Variants in EIF3H observed in about 807,000 individuals in gnomAD.
EIF3H encodes the protein eIF-3-gamma.
In EIF3H, 26 loss-of-function variants were observed where a neutral mutation model predicts 44.2. That is an observed-to-expected ratio of 0.59 (90% CI 0.43 to 0.82). The LOEUF (loss-of-function observed/expected upper bound fraction) is 0.82, where lower values mean the gene tolerates loss of function less well. Among genes scored for constraint, EIF3H ranks in the 40% least tolerant of loss-of-function variants. The probability of loss-of-function intolerance (pLI) is 0.00; values close to 1 mark genes in which losing one functional copy is unlikely to be tolerated. For synonymous variants in EIF3H, 166 were observed against 151.9 expected (o/e 1.09, Z -0.68); for missense variants, 359 against 432.8 (o/e 0.83, Z 1.51).
intron 1 of EIF3H, chr8:116,734,377 C>T (rs751905433): frequency 7.7e-5 from 35 of 455,694 alleles, no homozygotes; most frequent in African/African-American, 2.8e-4. Context: ...GAATACTTGA[C>T]GACTATGGAT....
chr8:116,727,472 C>T (rs1403140015), intron 1 of EIF3H, among the ~76,000 whole-genome samples: 1 of 152,216 alleles, frequency 6.6e-6, no homozygotes, highest in Non-Finnish European at 1.5e-5. Flanking sequence ...CCAAGTTTGA[C>T]TGATATCATA....
intron 2 of EIF3H, among the ~76,000 whole-genome samples, chr8:116,673,986 C>T (rs1223755310): frequency 1.5e-5 from 2 of 130,094 alleles, no homozygotes; most frequent in Non-Finnish European, 1.6e-5. Context: ...AGGAGAATGG[C>T]GTGAACCTGG....
At chr8:116,664,959 T>A (rs1813644654) in intron 2 of EIF3H, among the ~76,000 whole-genome samples, 1 of 152,182 alleles carries the variant, frequency 6.6e-6, no homozygotes, top group Non-Finnish European at 1.5e-5. Flanking sequence ...GACTTCCTGC[T>A]AAGTGTTCCA....
chr8:116,654,073 T>C (rs1164866546), intron 5 of EIF3H, among the ~76,000 whole-genome samples: 2 of 152,348 alleles, frequency 1.3e-5, no homozygotes, highest in African/African-American at 2.4e-5. Flanking sequence ...TCTTTTAAAA[T>C]AGTATGGTCG....
chr8:116,692,786 A>G (rs1369951250), intron 2 of EIF3H, among the ~76,000 whole-genome samples: 1 of 152,208 alleles, frequency 6.6e-6, no homozygotes, highest in Non-Finnish European at 1.5e-5. Flanking sequence ...TAGTAGTTTA[A>G]TATCAAATTT....
chr8:116,755,134 A>C (rs1815418000), intron 1 of EIF3H, among the ~76,000 whole-genome samples: 1 of 152,180 alleles, frequency 6.6e-6, no homozygotes, highest in Non-Finnish European at 1.5e-5. Context: ...CTTCTCTTTG[A>C]TATTCTTTTA....
chr8:116,680,851 AAAAAAG>A (rs1194014092), intron 2 of EIF3H, among the ~76,000 whole-genome samples: 4 of 150,824 alleles, frequency 2.7e-5, no homozygotes, highest in South Asian at 2.1e-4. Context: ...AATAAATAAA[AAAAAAG>A]AAAGTTAGCA....
intron 2 of EIF3H, among the ~76,000 whole-genome samples, chr8:116,705,971 A>C: frequency 6.6e-6 from 1 of 152,128 alleles, no homozygotes. Context: ...AAAAAAAAAA[A>C]AAACTCCAGA....
chr8:116,705,364 C>T (rs1003672920), intron 2 of EIF3H, among the ~76,000 whole-genome samples: 25 of 152,142 alleles, frequency 1.6e-4, no homozygotes, highest in African/African-American at 5.8e-4. Flanking sequence ...AAGATTCATG[C>T]CCTAATGCTT....
intron 2 of EIF3H, among the ~76,000 whole-genome samples, chr8:116,666,066 T>C (rs1813660142): frequency 6.6e-6 from 1 of 152,208 alleles, no homozygotes; most frequent in African/African-American, 2.4e-5. Context: ...AGTTCAATTT[T>C]TCACAATGAA....
rs188429222 is a variant in EIF3H, at chr8:116,741,232, G to C, written c.132+14434C>G. Among the ~76,000 whole-genome samples the C allele has an allele frequency of 1.4e-3, 220 of 152,090 alleles. 1 individual carries two copies. The highest frequency in any genetic ancestry group is 2.8e-3 in the Non-Finnish European group (191 of 67,992). On this transcript the variant is annotated intron_variant, in intron 1 of 7. Coordinates refer to ENST00000521861, the MANE Select transcript of EIF3H (RefSeq NM_003756.3). Reference sequence around the variant, plus strand: ...TATGGCACAGACACTTGTCTCCCCAGAATGTTTTCAGTTCATTCCTCAGAG... The same window carrying C: ...TATGGCACAGACACTTGTCTCCCCACAATGTTTTCAGTTCATTCCTCAGAG...
At chr8:116,722,172 T>C (rs999419562) in intron 2 of EIF3H, among the ~76,000 whole-genome samples, 1 of 152,146 alleles carries the variant, frequency 6.6e-6, no homozygotes, top group Non-Finnish European at 1.5e-5. Context: ...GCCCCCATAC[T>C]GTTCTTGTGG....
chr8:116,739,483 T>C (rs1254969960), intron 1 of EIF3H, among the ~76,000 whole-genome samples: 1 of 152,148 alleles, frequency 6.6e-6, no homozygotes, highest in Non-Finnish European at 1.5e-5. Flanking sequence ...ACCCCATCTC[T>C]ACTAAACATA....
intron 2 of EIF3H, among the ~76,000 whole-genome samples, chr8:116,710,229 G>A (rs1814551078): frequency 1.3e-5 from 2 of 152,332 alleles, no homozygotes; most frequent in South Asian, 2.1e-4. Flanking sequence ...GCAAAGCAAT[G>A]TATTCTAGAA....
chr8:116,702,257 C>A (rs1484283441), intron 2 of EIF3H, among the ~76,000 whole-genome samples: 1 of 152,186 alleles, frequency 6.6e-6, no homozygotes, highest in Non-Finnish European at 1.5e-5. Flanking sequence ...ATGGTTCATT[C>A]AGCATGGCTG....
At chr8:116,747,857 C>T (rs1177752014) in intron 1 of EIF3H, among the ~76,000 whole-genome samples, 1 of 152,150 alleles carries the variant, frequency 6.6e-6, no homozygotes, top group Non-Finnish European at 1.5e-5. Flanking sequence ...CACCTGTAAT[C>T]CCAACATTTT....
chr8:116,737,345 C>G, intron 1 of EIF3H: 1 of 428,506 alleles, frequency 2.3e-6, no homozygotes, highest in Non-Finnish European at 4.5e-6. Flanking sequence ...AAGCCCATAA[C>G]CCAAAAATAA....
At chr8:116,736,957 T>C (rs945957319) in intron 1 of EIF3H, among the ~76,000 whole-genome samples, 2 of 152,246 alleles carry the variant, frequency 1.3e-5, no homozygotes, top group Non-Finnish European at 2.9e-5. Context: ...CAAAGTATAC[T>C]GCTTAGAATT....
chr8:116,647,358 C>G (rs570167512), intron 6 of EIF3H, among the ~76,000 whole-genome samples: 73 of 152,334 alleles, frequency 4.8e-4, no homozygotes, highest in Admixed American at 3.1e-3. Context: ...CCTCGGCCTC[C>G]CCAAGTGCTG....
Sources: allele counts gnomAD v4.1 joint callset (sites outside exome capture counted in the v4.1 genomes callset), GRCh38; gene constraint gnomAD v4.1.1; transcripts MANE v1.5; gene names NCBI Gene and HGNC (gene_info 2026-07-23, HGNC 2026-07-21).